Variants in TGFBR3 observed in about 807,000 individuals in gnomAD.
TGFBR3 encodes transforming growth factor beta receptor 3.
TGFBR3 carries 46 observed loss-of-function variants against 87.9 expected under a neutral mutation model. The ratio of observed to expected loss-of-function variants is 0.52; its 90% CI spans 0.41 to 0.67. The LOEUF is 0.67. TGFBR3 is among the 30% of genes least tolerant of loss of function. TGFBR3 has a pLI of 0.00. For missense variants in TGFBR3, 866 were observed against 1,041.9 expected, an observed-to-expected ratio of 0.83 and a Z score of 2.32; for synonymous variants, 381 against 391.6, an observed-to-expected ratio of 0.97 and a Z score of 0.32.
chr1:91,761,479 A>C (rs1016789170), intron 3 of TGFBR3, among the ~76,000 whole-genome samples: 1 of 152,214 alleles, frequency 6.6e-6, no homozygotes. Flanking sequence ...AAGAATTCAC[A>C]CTACAATTGG....
intron 1 of TGFBR3, among the ~76,000 whole-genome samples, chr1:91,881,040 G>A (rs779346236): frequency 1.3e-5 from 2 of 152,056 alleles, no homozygotes; most frequent in Admixed American, 6.6e-5. Flanking sequence ...CTATCAAGAA[G>A]GGAGGTAATT....
chr1:91,786,797 T>C (rs1255840706), intron 3 of TGFBR3, among the ~76,000 whole-genome samples: 1 of 151,678 alleles, frequency 6.6e-6, no homozygotes, highest in Non-Finnish European at 1.5e-5. Context: ...ACAAGATGGT[T>C]CAAAAGTTCC....
chr1:91,886,684 T>C (rs1679327410), upstream of TGFBR3, among the ~76,000 whole-genome samples: 1 of 152,202 alleles, frequency 6.6e-6, no homozygotes, highest in Non-Finnish European at 1.5e-5. Context: ...ATTCTGTCCC[T>C]GTGCTTTTTC....
At chr1:91,782,176 G>A (rs961802277) in intron 3 of TGFBR3, among the ~76,000 whole-genome samples, 9 of 152,062 alleles carry the variant, frequency 5.9e-5, no homozygotes, top group South Asian at 2.1e-4. Context: ...GGAAGAACTC[G>A]CAGCAAGGAA....
At chr1:91,831,384 C>T (rs1204798962) in intron 2 of TGFBR3, among the ~76,000 whole-genome samples, 1 of 152,154 alleles carries the variant, frequency 6.6e-6, no homozygotes, top group Non-Finnish European at 1.5e-5. Flanking sequence ...AAACATTCTT[C>T]GACCCCAGTG....
chr1:91,749,268 G>C (rs1248371492), intron 4 of TGFBR3, among the ~76,000 whole-genome samples: 1 of 152,160 alleles, frequency 6.6e-6, no homozygotes, highest in African/African-American at 2.4e-5. Flanking sequence ...TGGACTGTGA[G>C]ACTTTTGCTA....
intron 2 of TGFBR3, among the ~76,000 whole-genome samples, chr1:91,803,159 TTC>T (rs1352597100): frequency 6.6e-6 from 1 of 152,184 alleles, no homozygotes; most frequent in African/African-American, 2.4e-5. Context: ...CTGGCCCTGC[TTC>T]CTGCCACGGC....
intron 2 of TGFBR3, among the ~76,000 whole-genome samples, chr1:91,852,736 CT>C (rs1176352855): frequency 2.0e-5 from 3 of 152,156 alleles, no homozygotes; most frequent in African/African-American, 7.2e-5. Context: ...CACTCTAGGT[CT>C]TTTAATAGCA....
intron 3 of TGFBR3, among the ~76,000 whole-genome samples, chr1:91,773,615 G>A (rs767423523): frequency 6.6e-6 from 1 of 152,244 alleles, no homozygotes; most frequent in East Asian, 1.9e-4. Context: ...GCAGGAGGCA[G>A]AGGTTGCGGT....
intron 1 of TGFBR3, among the ~76,000 whole-genome samples, chr1:91,879,409 T>A (rs1678986665): frequency 6.6e-6 from 1 of 152,172 alleles, no homozygotes. Flanking sequence ...TTAGGCTCCC[T>A]GCCCTGCCCC....
chr1:91,824,824 G>A (rs1170982972), intron 2 of TGFBR3, among the ~76,000 whole-genome samples: 2 of 152,160 alleles, frequency 1.3e-5, no homozygotes, highest in Non-Finnish European at 2.9e-5. Flanking sequence ...GCCGAGCATG[G>A]TGGCAGGCAC....
At position 91,782,873 on chromosome 1, in the gene TGFBR3, T is replaced by C. The variant is rs377739255; in HGVS notation, c.246+14414A>G. On this transcript the variant is annotated intron_variant, in intron 3 of 16. Coordinates refer to ENST00000212355, the MANE Select transcript of TGFBR3 (RefSeq NM_003243.5). ...CTCACTCTGGGAGGGGGACTCACCT[T>C]TTAAGAAGACATCGATGCAGCTTCC... Among the ~76,000 whole-genome samples the C allele has an allele frequency of 4.6e-5, 7 of 152,246 alleles. No individual in the cohort carries two copies. The East Asian group carries it at 1.4e-3, about 29-fold the overall frequency.
Position 91,719,468 on chromosome 1 carries a change from A to G in TGFBR3, c.1414-4T>C. On this transcript the variant is annotated splice_polypyrimidine_tract_variant and splice_region_variant and intron_variant, in intron 9 of 16. Transcript: ENST00000212355. ...CCATCCCCGAGTAGCCACTGGCCTA[A>G]AACAACAACCACCAAAGACATGGTT... 1.2e-6 allele frequency: 2 copies of G among 1,614,024 alleles called. No homozygotes were observed. The highest frequency in any genetic ancestry group is 1.7e-6 in the Non-Finnish European group (2 of 1,179,988).
At chr1:91,788,845 A>C (rs1179182661) in intron 3 of TGFBR3, among the ~76,000 whole-genome samples, 2 of 152,220 alleles carry the variant, frequency 1.3e-5, no homozygotes, top group African/African-American at 4.8e-5. Context: ...TGCTCTTGTA[A>C]AAACATTGTC....
intron 2 of TGFBR3, among the ~76,000 whole-genome samples, chr1:91,858,314 T>C (rs1678039214): frequency 6.6e-6 from 1 of 151,938 alleles, no homozygotes; most frequent in Non-Finnish European, 1.5e-5. Flanking sequence ...GATATTAGCA[T>C]ATAAAAAATT....
At chr1:91,764,317 C>CAAAA (rs200776741) in intron 3 of TGFBR3, among the ~76,000 whole-genome samples, 2,414 of 76,970 alleles carry the variant, frequency 0.031, 67 homozygotes, top group Non-Finnish European at 0.045. Flanking sequence ...ACAAAAGAGA[C>CAAAA]AAAAAAAAAA....
At chr1:91,687,584 G>GA (rs1671131737) in intron 16 of TGFBR3, among the ~76,000 whole-genome samples, 2 of 152,154 alleles carry the variant, frequency 1.3e-5, no homozygotes, top group South Asian at 4.1e-4. Flanking sequence ...GAGTTAAAAA[G>GA]AAAGGTGAGG....
At chr1:91,774,535 T>A (rs1674501811) in intron 3 of TGFBR3, among the ~76,000 whole-genome samples, 1 of 152,026 alleles carries the variant, frequency 6.6e-6, no homozygotes, top group Non-Finnish European at 1.5e-5. Context: ...AAATATGATT[T>A]AAAAAAAAGA....
At chr1:91,818,958 C>A (rs571898596) in intron 2 of TGFBR3, among the ~76,000 whole-genome samples, 1 of 152,296 alleles carries the variant, frequency 6.6e-6, no homozygotes, top group Non-Finnish European at 1.5e-5. Context: ...CAGCATCCTC[C>A]TGCAATCTAT....
Sources: gnomAD v4.1 joint callset for allele counts (sites outside exome capture counted in the v4.1 genomes callset) on GRCh38, gnomAD v4.1.1 for gene constraint, MANE v1.5 for transcripts, NCBI Gene and HGNC (gene_info 2026-07-23, HGNC 2026-07-21) for gene names.